Variants in CSMD2 observed in about 807,000 individuals in gnomAD.
The protein encoded by CSMD2 is CUB and sushi domain-containing protein 2.
Under a neutral mutation model 398.5 loss-of-function variants are expected in CSMD2, and 130 were observed. The observed-to-expected ratio is 0.33, with a 90% CI of 0.28 to 0.38. CSMD2 has a LOEUF of 0.38. CSMD2 is among the 10% of genes least tolerant of loss of function. CSMD2 has a pLI of 1.00. For synonymous variants in CSMD2, 1,828 were observed against 1,908.5 expected, an observed-to-expected ratio of 0.96 and a Z score of 1.10; for missense variants, 3,829 against 4,764.9, an observed-to-expected ratio of 0.80 and a Z score of 5.78.
intron 9 of CSMD2, among the ~76,000 whole-genome samples, chr1:33,811,545 G>A (rs543506034): frequency 6.6e-5 from 10 of 152,042 alleles, no homozygotes; most frequent in East Asian, 1.9e-4. Context: ...TCCCAAATCC[G>A]TCTCCACACT....
chr1:33,557,663 C>A (rs1658154590), intron 55 of CSMD2, 71 bp downstream of exon 55: 5 of 1,286,848 alleles, frequency 3.9e-6, no homozygotes, highest in Non-Finnish European at 3.2e-6. Flanking sequence ...CACACACATG[C>A]ACAGAGGGGA....
chr1:33,920,542 CAAAAAAAAAAAAAA>C (rs58865984), intron 4 of CSMD2, among the ~76,000 whole-genome samples: 1 of 84,214 alleles, frequency 1.2e-5, no homozygotes, highest in Non-Finnish European at 2.4e-5. Context: ...CAATCTGTCT[CAAAAAAAAAAAAAA>C]AAAAAAAAAG....
intron 26 of CSMD2, among the ~76,000 whole-genome samples, chr1:33,662,007 A>G (rs1018467854): frequency 6.6e-6 from 1 of 151,994 alleles, no homozygotes; most frequent in Admixed American, 6.5e-5. Flanking sequence ...ACACGAGCAG[A>G]AACCGAAGCA....
rs547414660 is a variant in CSMD2, at chr1:33,705,858, T to C, written c.3576+3231A>G. 8.0e-4 allele frequency among the ~76,000 whole-genome samples: 121 copies of C among 152,186 alleles called. 1 individual carries two copies. The highest frequency in any genetic ancestry group is 2.4e-3 in the African/African-American group (98 of 41,548). ...TCCTATATCTTTGATTATGTCCCTT[T>C]TCAATTCCTAATATTACATATTTGT... On this transcript the variant is annotated intron_variant, in intron 22 of 70. Coordinates refer to ENST00000373381, the MANE Select transcript of CSMD2 (RefSeq NM_001281956.2).
At chr1:33,521,868 G>C (rs903770204) in intron 67 of CSMD2, among the ~76,000 whole-genome samples, 3 of 152,184 alleles carry the variant, frequency 2.0e-5, no homozygotes, top group Admixed American at 6.5e-5. Context: ...TGGCTGTAAG[G>C]ATTAAATGAG....
chr1:33,710,576 G>A (rs775757405), intron 21 of CSMD2, among the ~76,000 whole-genome samples: 4 of 152,154 alleles, frequency 2.6e-5, no homozygotes, highest in African/African-American at 4.8e-5. Context: ...TCTTTCAGGC[G>A]GCTGGTAGCA....
At chr1:33,835,648 A>G (rs1276025351) in intron 6 of CSMD2, among the ~76,000 whole-genome samples, 1 of 143,384 alleles carries the variant, frequency 7.0e-6, no homozygotes, top group African/African-American at 2.7e-5. Context: ...AACTTAAAGT[A>G]TAATAATAAT....
At chr1:34,125,872 T>A (rs1471128580) in intron 1 of CSMD2, among the ~76,000 whole-genome samples, 2 of 152,118 alleles carry the variant, frequency 1.3e-5, no homozygotes, top group Non-Finnish European at 2.9e-5. Context: ...GCTGCTCCAG[T>A]TCAGGCCCCG....
intron 5 of CSMD2, among the ~76,000 whole-genome samples, chr1:33,906,601 A>C (rs936460242): frequency 3.9e-5 from 6 of 152,238 alleles, no homozygotes; most frequent in African/African-American, 1.4e-4. Context: ...TTTCTGGATA[A>C]CTAGGTGGGG....
At chr1:34,143,722 G>T (rs1230027006) in intron 1 of CSMD2, among the ~76,000 whole-genome samples, 1 of 152,194 alleles carries the variant, frequency 6.6e-6, no homozygotes, top group Non-Finnish European at 1.5e-5. Flanking sequence ...GAGGGGAAAA[G>T]TCTTGGTGTT....
intron 3 of CSMD2, among the ~76,000 whole-genome samples, chr1:33,977,693 T>C (rs1485865676): frequency 6.6e-6 from 1 of 151,888 alleles, no homozygotes; most frequent in Non-Finnish European, 1.5e-5. Context: ...CTGCCTGAGA[T>C]GCCCTTCCCT....
chr1:33,646,685 T>C lies in CSMD2; in HGVS notation c.4737A>G (p.Ala1579=), dbSNP rs1323010365. 1.2e-6 allele frequency: 2 copies of C among 1,614,132 alleles called. No individual in the cohort carries two copies. The highest frequency in any genetic ancestry group is 1.7e-5 in the Admixed American group (1 of 60,028). The change falls in exon 29 of 71, where the codon GCA becomes GCG. Residue 1579 remains alanine, a synonymous_variant. Coordinates refer to ENST00000373381, the MANE Select transcript of CSMD2 (RefSeq NM_001281956.2). ...NSLFLAFRSD[A]SVSNAGFVID... ...TGACGAAGCCAGCATTGCTCACAGATGCATCGCTGCGGAAGGCGAGGAAGA... is the reference window on the plus strand; with the variant it reads ...TGACGAAGCCAGCATTGCTCACAGACGCATCGCTGCGGAAGGCGAGGAAGA...
chr1:34,092,151 T>C (rs1259089550), intron 1 of CSMD2, among the ~76,000 whole-genome samples: 2 of 152,134 alleles, frequency 1.3e-5, no homozygotes, highest in Admixed American at 6.5e-5. Flanking sequence ...ACATATAAAC[T>C]TAACAAGAAG....
In CSMD2 at chr1:33,636,686, CTCCTAT is replaced by C; in HGVS notation, c.4775-138_4775-133del. ...AGCACACGGGGATGCGTGACTGTGG[CTCCTAT>C]TCCCCTCAGGTCTAGAAACGTCTCT... On this transcript the variant is annotated intron_variant, in intron 29 of 70. Transcript: ENST00000373381. The surrounding 1 kb of genome is among the most constrained non-coding windows in gnomAD (Gnocchi z 4.8). The C allele has an allele frequency of 1.5e-6, 1 of 673,482 alleles. No homozygotes were observed. 41.7% of individuals were successfully genotyped at this position (673,482 alleles called of 1,614,324 possible).
chr1:33,526,455 T>G (rs898688132), intron 65 of CSMD2, among the ~76,000 whole-genome samples: 6 of 152,246 alleles, frequency 3.9e-5, no homozygotes, highest in Non-Finnish European at 1.5e-5. Flanking sequence ...TTCTAGGGGT[T>G]AAATGACTAA....
chr1:33,898,387 T>C (rs866067825), intron 5 of CSMD2, among the ~76,000 whole-genome samples: 2 of 152,194 alleles, frequency 1.3e-5, no homozygotes, highest in Non-Finnish European at 2.9e-5. Flanking sequence ...CCCTGCTTTT[T>C]CCTTTTTTAA....
At chr1:33,726,406 G>A in intron 16 of CSMD2, 141 bp downstream of exon 16, 1 of 988,398 alleles carries the variant, frequency 1.0e-6, no homozygotes, top group South Asian at 2.0e-5. Context: ...GCCCCACCCA[G>A]GGCAATTTGG....
intron 3 of CSMD2, among the ~76,000 whole-genome samples, chr1:33,985,481 T>C (rs1646327347): frequency 1.3e-5 from 2 of 152,194 alleles, no homozygotes; most frequent in African/African-American, 4.8e-5. Flanking sequence ...GAGGTGGAAG[T>C]GGTCCATCTG....
chr1:33,742,500 G>C (rs1647103665), intron 14 of CSMD2, among the ~76,000 whole-genome samples: 1 of 151,786 alleles, frequency 6.6e-6, no homozygotes, highest in Non-Finnish European at 1.5e-5. Flanking sequence ...AAGTCCACTG[G>C]ATTTATAGCT....
Sources: gnomAD v4.1 joint callset for allele counts (sites outside exome capture counted in the v4.1 genomes callset) on GRCh38, gnomAD v4.1.1 for gene constraint, Gnocchi (gnomAD v3.1) non-coding constraint, MANE v1.5 for transcripts, NCBI Gene and HGNC (gene_info 2026-07-23, HGNC 2026-07-21) for gene names.